The following CHRM3 variants were observed in gnomAD, a reference collection of about 807,000 sequenced individuals.
The protein encoded by CHRM3 is cholinergic receptor muscarinic 3.
Under a neutral mutation model 41.8 loss-of-function variants are expected in CHRM3, and 11 were observed. That is an observed-to-expected ratio of 0.26 (90% CI 0.17 to 0.44). The LOEUF (loss-of-function observed/expected upper bound fraction) is 0.44, where lower values mean the gene tolerates loss of function less well. Among genes scored for constraint, CHRM3 ranks in the 20% least tolerant of loss-of-function variants. The pLI, the probability that CHRM3 is intolerant of heterozygous loss-of-function variation, is 1.00. For synonymous variants in CHRM3, 297 were observed against 301.4 expected, an observed-to-expected ratio of 0.99 and a Z score of 0.15; for missense variants, 571 against 745.4, an observed-to-expected ratio of 0.77 and a Z score of 2.72.
At chr1:239,682,299 C>A (rs1658645365) in intron 5 of CHRM3, among the ~76,000 whole-genome samples, 2 of 152,124 alleles carry the variant, frequency 1.3e-5, no homozygotes, top group South Asian at 4.1e-4. Flanking sequence ...TTAGGAATTT[C>A]TTTGAAAGGA....
chr1:239,730,531 A>G (rs1281330233), intron 5 of CHRM3: 1 of 151,994 alleles, frequency 6.6e-6, no homozygotes, highest in Non-Finnish European at 1.5e-5. Context: ...GTTTATCTGA[A>G]TCTGGAAGTT....
At chr1:239,478,910 T>C (rs1330007688) in intron 1 of CHRM3, among the ~76,000 whole-genome samples, 1 of 151,932 alleles carries the variant, frequency 6.6e-6, no homozygotes, top group African/African-American at 2.4e-5. Flanking sequence ...AGGCCAGGCA[T>C]GCTGGCTCAT....
chr1:239,647,210 C>T (rs1464903039), intron 4 of CHRM3, among the ~76,000 whole-genome samples: 9 of 152,124 alleles, frequency 5.9e-5, no homozygotes, highest in Admixed American at 5.9e-4. Context: ...CAATTCAATT[C>T]CTTCATCTTC....
intron 6 of CHRM3, among the ~76,000 whole-genome samples, chr1:239,852,819 T>C (rs1674803501): frequency 6.6e-6 from 1 of 152,160 alleles, no homozygotes; most frequent in African/African-American, 2.4e-5. Flanking sequence ...ATGAAAGAAG[T>C]TTACACTTAA....
At chr1:239,474,311 TC>T (rs1666325319) in intron 1 of CHRM3, among the ~76,000 whole-genome samples, 1 of 152,110 alleles carries the variant, frequency 6.6e-6, no homozygotes, top group Non-Finnish European at 1.5e-5. Context: ...ATTTGGTAGT[TC>T]TTTTGCCTCA....
intron 5 of CHRM3, among the ~76,000 whole-genome samples, chr1:239,697,856 A>G (rs1660340279): frequency 1.3e-5 from 2 of 152,204 alleles, no homozygotes; most frequent in South Asian, 4.1e-4. Context: ...AGGTACACAT[A>G]GAAACCACCT....
intron 5 of CHRM3, among the ~76,000 whole-genome samples, chr1:239,823,061 C>A (rs1672179390): frequency 6.6e-6 from 1 of 152,168 alleles, no homozygotes; most frequent in South Asian, 2.1e-4. Context: ...ATTTTACAAA[C>A]CAATGGTAGA....
rs568490033 is a variant in CHRM3 at position 239,645,339 on chromosome 1, G to A, written c.-250+13053G>A. On this transcript the variant is annotated intron_variant, in intron 4 of 6. Transcript: ENST00000676153. ...TGTAGGAAGCCTTATAGTTAGGTTC[G>A]AAATGGCACATTCAATGGAGATAGT... Among the ~76,000 whole-genome samples, 14 of 152,296 alleles carry A rather than the reference G, an allele frequency of 9.2e-5. No homozygotes were observed. The South Asian group carries it at 2.5e-3, about 27-fold the overall frequency.
intron 3 of CHRM3, among the ~76,000 whole-genome samples, chr1:239,603,768 A>G (rs1016875604): frequency 6.6e-6 from 1 of 152,148 alleles, no homozygotes; most frequent in Non-Finnish European, 1.5e-5. Flanking sequence ...ATGCACACAC[A>G]TTATGGACAG....
At chr1:239,736,728 C>A (rs965951068) in intron 5 of CHRM3, among the ~76,000 whole-genome samples, 2 of 152,128 alleles carry the variant, frequency 1.3e-5, no homozygotes, top group Non-Finnish European at 2.9e-5. Context: ...TACAATTTAC[C>A]TTTCTGGCAT....
At chr1:239,680,772 C>T (rs904751979) in intron 5 of CHRM3, among the ~76,000 whole-genome samples, 29 of 151,746 alleles carry the variant, frequency 1.9e-4, no homozygotes, top group African/African-American at 6.3e-4. Context: ...TCTGCTCAGA[C>T]ATGTAGATGA....
At chr1:239,418,516 A>G (rs1661682731) in intron 1 of CHRM3, among the ~76,000 whole-genome samples, 1 of 152,182 alleles carries the variant, frequency 6.6e-6, no homozygotes, top group South Asian at 2.1e-4. Flanking sequence ...TTGGACTATA[A>G]CCTATATCTT....
rs544170602 is a variant in CHRM3 at position 239,453,633 on chromosome 1, A to G, written c.-520-39076A>G. ...TTAGCTATTAAAAAAAGAAGGATGC[A>G]CGTAGGTATATATTATGCATTCTAC... On this transcript the variant is annotated intron_variant, in intron 1 of 6. Transcript: ENST00000676153. 2.6e-5 allele frequency among the ~76,000 whole-genome samples: 4 copies of G among 152,322 alleles called. No homozygotes were observed. The South Asian group carries it at 8.3e-4, about 32-fold the overall frequency.
intron 1 of CHRM3, among the ~76,000 whole-genome samples, chr1:239,402,161 C>A (rs1351628985): frequency 2.0e-5 from 3 of 152,106 alleles, no homozygotes; most frequent in African/African-American, 7.2e-5. Context: ...GAGATTGGAA[C>A]CCATCACCTT....
At chr1:239,560,509 A>T (rs1053268870) in intron 3 of CHRM3, among the ~76,000 whole-genome samples, 2 of 152,186 alleles carry the variant, frequency 1.3e-5, no homozygotes, top group Admixed American at 6.5e-5. Context: ...ATACCTCTTC[A>T]TAGTATAACA....
intron 1 of CHRM3, among the ~76,000 whole-genome samples, chr1:239,450,815 T>TA (rs1279759211): frequency 9.2e-5 from 14 of 152,338 alleles, no homozygotes; most frequent in Admixed American, 7.8e-4. Context: ...TAACAATACA[T>TA]AAAATCACAA....
At chr1:239,469,358 A>G (rs900472287) in intron 1 of CHRM3, among the ~76,000 whole-genome samples, 1 of 152,130 alleles carries the variant, frequency 6.6e-6, no homozygotes, top group African/African-American at 2.4e-5. Context: ...TTGGACTGTG[A>G]GCTCCCAAAG....
intron 2 of CHRM3, among the ~76,000 whole-genome samples, chr1:239,536,649 G>A (rs1384505324): frequency 5.3e-5 from 8 of 152,244 alleles, no homozygotes; most frequent in Non-Finnish European, 1.0e-4. Flanking sequence ...AGTGAAGATA[G>A]CCATCTAAGT....
chr1:239,667,561 C>T (rs1400084942), intron 4 of CHRM3, among the ~76,000 whole-genome samples: 1 of 152,090 alleles, frequency 6.6e-6, no homozygotes, highest in African/African-American at 2.4e-5. Context: ...ATTGTGTGTC[C>T]AAGATAGGAA....
Sources: gnomAD v4.1 joint callset for allele counts (sites outside exome capture counted in the v4.1 genomes callset) on GRCh38, gnomAD v4.1.1 for gene constraint, MANE v1.5 for transcripts, NCBI Gene and HGNC (gene_info 2026-07-23, HGNC 2026-07-21) for gene names.